SUN3: variants seen among roughly 807,000 people sequenced by gnomAD.
SUN3 encodes the protein Sad1 and UNC84 domain containing 3.
A neutral mutation model predicts 48.2 loss-of-function variants in SUN3; 36 were observed. The ratio of observed to expected loss-of-function variants is 0.75; its 90% CI spans 0.57 to 0.99. The LOEUF is 0.99. Ranked by LOEUF, SUN3 falls within the 50% of genes least tolerant of loss-of-function variation. SUN3 has a pLI of 0.00. For synonymous variants in SUN3, 148 were observed against 147.9 expected (o/e 1.00, Z 0.00); for missense variants, 419 against 433.1 (o/e 0.97, Z 0.29).
chr7:48,015,739 T>A (rs1297853681), intron 3 of SUN3, among the ~76,000 whole-genome samples: 1 of 152,046 alleles, frequency 6.6e-6, no homozygotes, highest in East Asian at 1.9e-4. Flanking sequence ...TTTGCAAAAA[T>A]GAAAACTAAG....
intron 1 of SUN3, among the ~76,000 whole-genome samples, chr7:48,028,479 CAAAAAAA>C (rs55997019): frequency 3.1e-4 from 14 of 45,258 alleles, no homozygotes; most frequent in Middle Eastern, 0.022. Flanking sequence ...AGCCCAATGA[CAAAAAAA>C]AAAAAAAAAA....
intron 6 of SUN3, among the ~76,000 whole-genome samples, chr7:47,997,888 A>G (rs1185498975): frequency 1.3e-5 from 2 of 152,180 alleles, no homozygotes; most frequent in Non-Finnish European, 2.9e-5. Context: ...TGCATTTGAG[A>G]TTTATGAATG....
At chr7:48,025,727 C>A (rs1309702472) in intron 2 of SUN3, 150 bp downstream of exon 2, 6 of 446,074 alleles carry the variant, frequency 1.3e-5, no homozygotes, top group Admixed American at 4.2e-5. Flanking sequence ...AAATAAAAAA[C>A]AAACGAAAAA....
intron 6 of SUN3, among the ~76,000 whole-genome samples, chr7:48,003,134 A>G (rs1444594622): frequency 6.6e-6 from 1 of 152,074 alleles, no homozygotes; most frequent in Admixed American, 6.5e-5. Context: ...TCTTCTGCAT[A>G]TGGCTAGCCA....
chr7:48,011,677 GA>G (rs1453722210), intron 3 of SUN3, among the ~76,000 whole-genome samples: 13 of 152,152 alleles, frequency 8.5e-5, no homozygotes, highest in African/African-American at 3.1e-4. Flanking sequence ...AGAGTTCCAT[GA>G]AAAATAAAAT....
At chr7:48,007,576 C>T (rs1789565176) in intron 4 of SUN3, among the ~76,000 whole-genome samples, 1 of 152,138 alleles carries the variant, frequency 6.6e-6, no homozygotes. Flanking sequence ...ATGGGGCAGG[C>T]AAGGCTCAAT....
At chr7:48,035,724 CG>C in the SUN3 span, 1 of 587,010 alleles carries the variant, frequency 1.7e-6, no homozygotes, top group Admixed American at 2.9e-5. The surrounding 1 kb of genome is among the most constrained non-coding windows in gnomAD (Gnocchi z 4.0). Context: ...CAGTGCGCGC[CG>C]GGGCTGGAGG....
chr7:47,988,891 A>G lies in SUN3; in HGVS notation c.862-11T>C. 1 of 1,490,464 alleles carries G rather than the reference A, an allele frequency of 6.7e-7. No homozygotes were observed. The highest frequency in any genetic ancestry group is 2.3e-5 in the East Asian group (1 of 44,246). 92.3% of individuals were successfully genotyped at this position (1,490,464 alleles called of 1,614,324 possible). A position where few individuals can be genotyped will look rare whatever the true frequency, so the allele number is the denominator to read the frequency against. Reference sequence around the variant, plus strand: ...TTTTTTTGTGATGCCCTATAAAGAAAGCAACAGATATAGAGATTGTAATGA... The same window carrying G: ...TTTTTTTGTGATGCCCTATAAAGAAGGCAACAGATATAGAGATTGTAATGA... On this transcript the variant is annotated splice_polypyrimidine_tract_variant and intron_variant, in intron 8 of 9. Coordinates refer to ENST00000297325, the MANE Select transcript of SUN3 (RefSeq NM_001030019.2).
At chr7:47,990,197 C>T (rs920368877) in intron 8 of SUN3, among the ~76,000 whole-genome samples, 15 of 152,184 alleles carry the variant, frequency 9.9e-5, no homozygotes, top group African/African-American at 2.4e-4. Flanking sequence ...TGGAATGTCT[C>T]GGTGTAAAAC....
At chr7:48,004,089 T>C (rs1419245828) in intron 6 of SUN3, among the ~76,000 whole-genome samples, 1 of 152,224 alleles carries the variant, frequency 6.6e-6, no homozygotes, top group Non-Finnish European at 1.5e-5. Context: ...TGAGAACTGG[T>C]ATCTTTTCAT....
upstream of SUN3, among the ~76,000 whole-genome samples, chr7:48,033,564 AAAAAATAAAAT>A (rs894800485): frequency 3.3e-5 from 5 of 152,168 alleles, no homozygotes; most frequent in African/African-American, 7.2e-5. Flanking sequence ...CCTGTCTCAA[AAAAAATAAAAT>A]AAAAATAAAA....
intron 3 of SUN3, among the ~76,000 whole-genome samples, chr7:48,010,725 C>T (rs1407759478): frequency 2.6e-5 from 4 of 152,194 alleles, no homozygotes; most frequent in Admixed American, 6.5e-5. Flanking sequence ...ACACTTCAGG[C>T]ACCCAACAGA....
At chr7:47,999,685 C>A (rs1317485692) in intron 6 of SUN3, among the ~76,000 whole-genome samples, 1 of 152,144 alleles carries the variant, frequency 6.6e-6, no homozygotes, top group South Asian at 2.1e-4. Flanking sequence ...TACAGGCGTG[C>A]GCCACCGCGC....
intron 4 of SUN3, among the ~76,000 whole-genome samples, chr7:48,008,704 T>C (rs1232372653): frequency 1.3e-5 from 2 of 152,230 alleles, no homozygotes; most frequent in East Asian, 1.9e-4. Flanking sequence ...GCAATTTTTA[T>C]TTTGTTGTTT....
At chr7:48,012,388 GTTT>G (rs370669672) in intron 3 of SUN3, among the ~76,000 whole-genome samples, 11 of 142,580 alleles carry the variant, frequency 7.7e-5, no homozygotes, top group African/African-American at 2.8e-4. Context: ...TTTTTGTTTA[GTTT>G]TTTTTTTTTT....
intron 2 of SUN3, among the ~76,000 whole-genome samples, chr7:48,019,994 A>AAAAAAAAAAAAAAAAAAAAAC (rs1789945298): frequency 6.8e-6 from 1 of 147,778 alleles, no homozygotes; most frequent in Non-Finnish European, 1.5e-5. Flanking sequence ...AAAAAAAAAA[A>AAAAAAAAAAAAAAAAAAAAAC]AAAAAAAGAA....
chr7:48,017,411 CATAAA>C (rs1212164378), intron 2 of SUN3, 46 bp from the exon 3 acceptor site: 3 of 1,080,110 alleles, frequency 2.8e-6, no homozygotes, highest in Admixed American at 2.0e-5. Flanking sequence ...TCTCTGGAAA[CATAAA>C]ATATTTTACA....
upstream of SUN3, among the ~76,000 whole-genome samples, chr7:48,031,546 G>A (rs1352212165): frequency 6.6e-6 from 1 of 152,108 alleles, no homozygotes; most frequent in East Asian, 1.9e-4. Context: ...AATATATAAA[G>A]ATAAGTGTAG....
At position 48,010,066 on chromosome 7, in the gene SUN3, C is replaced by T. The variant is rs577894930; in HGVS notation, c.289-991G>A. Among the ~76,000 whole-genome samples, 14 of 152,202 alleles carry T rather than the reference C, an allele frequency of 9.2e-5. No homozygotes were observed. The South Asian group carries it at 2.3e-3, about 25-fold the overall frequency. On this transcript the variant is annotated intron_variant, in intron 3 of 9. Transcript: ENST00000297325. ...CCTCCAAAGCCCTGCACTCTCTTCC[C>T]GTCTGTCTTTACCCAGCATGAGACA...
Sources: allele counts gnomAD v4.1 joint callset (sites outside exome capture counted in the v4.1 genomes callset), GRCh38; gene constraint gnomAD v4.1.1; non-coding constraint Gnocchi (gnomAD v3.1); transcripts MANE v1.5; gene names NCBI Gene and HGNC (gene_info 2026-07-23, HGNC 2026-07-21).